Variants in CCDC7 observed in about 807,000 individuals in gnomAD.
CCDC7 encodes coiled-coil domain-containing protein 7.
CCDC7 carries 183 observed loss-of-function variants against 196.9 expected under a neutral mutation model. The observed-to-expected ratio is 0.93, with a 90% CI of 0.82 to 1.05. The LOEUF is 1.05. CCDC7 is among the 50% of genes least tolerant of loss of function. The pLI is 0.00. For missense variants in CCDC7, 1,540 were observed against 1,482.2 expected, an observed-to-expected ratio of 1.04 and a Z score of -0.64; for synonymous variants, 525 against 484.6, an observed-to-expected ratio of 1.08 and a Z score of -1.10.
chr10:32,844,760 A>T, intron 33 of CCDC7, among the ~76,000 whole-genome samples: 1 of 151,820 alleles, frequency 6.6e-6, no homozygotes, highest in East Asian at 1.9e-4. Context: ...TCTGAACTTC[A>T]ATATAATAGG....
intron 32 of CCDC7, among the ~76,000 whole-genome samples, chr10:32,830,337 T>C (rs762771963): frequency 6.6e-6 from 1 of 150,430 alleles, no homozygotes; most frequent in Non-Finnish European, 1.5e-5. Context: ...ATATGGAGGT[T>C]TGCTATCTAA....
chr10:32,551,467 A>G (rs1247433124), intron 13 of CCDC7, among the ~76,000 whole-genome samples: 1 of 151,526 alleles, frequency 6.6e-6, no homozygotes. Flanking sequence ...TTGTTTCTCT[A>G]GTTCCTTGAG....
chr10:32,599,950 G>A (rs1384078305), intron 18 of CCDC7, among the ~76,000 whole-genome samples: 1 of 152,114 alleles, frequency 6.6e-6, no homozygotes, highest in Non-Finnish European at 1.5e-5. Context: ...TTGAAGATTA[G>A]TTTGTTTTAG....
intron 18 of CCDC7, among the ~76,000 whole-genome samples, chr10:32,624,667 G>A (rs2063778173): frequency 6.6e-6 from 1 of 151,996 alleles, no homozygotes; most frequent in African/African-American, 2.4e-5. Flanking sequence ...CATTCCATAA[G>A]GCTTTGGAGT....
intron 24 of CCDC7, among the ~76,000 whole-genome samples, chr10:32,710,777 T>C (rs1591907634): frequency 6.6e-6 from 1 of 152,208 alleles, no homozygotes; most frequent in Non-Finnish European, 1.5e-5. Context: ...TTGTGCTTAA[T>C]TGACCACCCT....
chr10:32,551,091 T>C (rs2053401857), intron 13 of CCDC7, among the ~76,000 whole-genome samples: 1 of 152,186 alleles, frequency 6.6e-6, no homozygotes, highest in Non-Finnish European at 1.5e-5. Context: ...GTTATTGGTC[T>C]GTTCAGAGCA....
chr10:32,779,119 A>G (rs1390581559), intron 29 of CCDC7, 35 bp downstream of exon 30: 3 of 1,385,984 alleles, frequency 2.2e-6, no homozygotes, highest in East Asian at 5.0e-5. Flanking sequence ...ACAGTAGAAC[A>G]CAATCTAAGA....
intron 21 of CCDC7, among the ~76,000 whole-genome samples, chr10:32,677,337 C>T (rs2075170558): frequency 6.6e-6 from 1 of 151,162 alleles, no homozygotes; most frequent in Non-Finnish European, 1.5e-5. Context: ...GCACATTGTG[C>T]ACATGTATCC....
intron 9 of CCDC7, among the ~76,000 whole-genome samples, chr10:32,508,111 T>G (rs2045499141): frequency 6.6e-6 from 1 of 152,180 alleles, no homozygotes; most frequent in East Asian, 1.9e-4. Flanking sequence ...TGACATGAGT[T>G]CATATATAGA....
chr10:32,882,738 G>A (rs1565807454), exon 23 of CCDC7: 1 of 152,152 alleles, frequency 6.6e-6, no homozygotes, highest in African/African-American at 2.4e-5. Context: ...CTAAGATCAA[G>A]CCTTTTTGTT....
In CCDC7 at chr10:32,699,542, G is replaced by C. The variant is rs2078293886; in HGVS notation, c.2458+4550G>C. On this transcript the variant is annotated intron_variant, in intron 24 of 41. Transcript: ENST00000639629. ...TGTGCATGTGTCTTTATAGCAGCAT[G>C]ATTTATAATCCTTTGGGTATATACC... Among the ~76,000 whole-genome samples, 2 of 149,020 alleles carry C rather than the reference G, an allele frequency of 1.3e-5. 1 individual carries two copies. Among genetic ancestry groups the C allele is most frequent in the African/African-American group, 5.2e-5 (2 of 38,446 alleles).
chr10:32,659,070 A>G (rs1228389034), intron 20 of CCDC7, among the ~76,000 whole-genome samples: 2 of 151,864 alleles, frequency 1.3e-5, no homozygotes, highest in Non-Finnish European at 2.9e-5. Flanking sequence ...CCTTCCTCCT[A>G]TTAACTGTGG....
chr10:32,523,549 CAA>C (rs34147655), intron 11 of CCDC7, among the ~76,000 whole-genome samples: 15 of 130,612 alleles, frequency 1.1e-4, no homozygotes, highest in South Asian at 2.4e-4. Flanking sequence ...ACGCTGTCTC[CAA>C]AAAAAAAAAA....
intron 28 of CCDC7, among the ~76,000 whole-genome samples, chr10:32,778,455 A>AT (rs1283044072): frequency 1.3e-5 from 2 of 151,794 alleles, no homozygotes; most frequent in East Asian, 3.9e-4. Context: ...CCTATTGCTT[A>AT]TTTTTTCTGG....
At chr10:32,726,962 C>A in intron 26 of CCDC7, 130 bp downstream of exon 27, 2 of 584,512 alleles carry the variant, frequency 3.4e-6, no homozygotes, top group South Asian at 2.7e-5. Flanking sequence ...GCCCTGAAGT[C>A]TTAAGATAAG....
At chr10:32,709,459 TAAAGTA>T (rs538596770) in intron 24 of CCDC7, among the ~76,000 whole-genome samples, 165 of 152,088 alleles carry the variant, frequency 1.1e-3, no homozygotes, top group African/African-American at 3.8e-3. Context: ...CCCTAGAACT[TAAAGTA>T]TAATAAAAAA....
chr10:32,519,103 C>G (rs886155954), intron 11 of CCDC7, among the ~76,000 whole-genome samples: 1 of 152,050 alleles, frequency 6.6e-6, no homozygotes, highest in African/African-American at 2.4e-5. Flanking sequence ...AAGCAGAAAT[C>G]ATACAGGAGA....
chr10:32,529,211 TG>T (rs1589565362), intron 11 of CCDC7, among the ~76,000 whole-genome samples: 1 of 151,876 alleles, frequency 6.6e-6, no homozygotes, highest in South Asian at 2.1e-4. Flanking sequence ...TTAGTAGAGA[TG>T]GGGTTTCACA....
rs370019410 is a variant in CCDC7, at chr10:32,701,582, A to C, written c.2458+6590A>C. Among the ~76,000 whole-genome samples, 6 of 152,302 alleles carry C rather than the reference A, an allele frequency of 3.9e-5. No homozygotes were observed. In the East Asian group the frequency reaches 1.2e-3, roughly 29 times the overall value. ...TTTTTCTATTGATTGGAATAGTTTGAGAAGGAATGGTACCAGCTCCTCTTT... is the reference window on the plus strand; with the variant it reads ...TTTTTCTATTGATTGGAATAGTTTGCGAAGGAATGGTACCAGCTCCTCTTT... On this transcript the variant is annotated intron_variant, in intron 24 of 41. Coordinates refer to ENST00000639629, the Ensembl canonical transcript of CCDC7.
Sources: allele counts gnomAD v4.1 joint callset (sites outside exome capture counted in the v4.1 genomes callset), GRCh38; gene constraint gnomAD v4.1.1; transcripts MANE v1.5; gene names NCBI Gene and HGNC (gene_info 2026-07-23, HGNC 2026-07-21).